The following APOL4 variants were observed in gnomAD, a reference collection of about 807,000 sequenced individuals.
The protein encoded by APOL4 is apolipoprotein L4, also known as apolipoprotein L, 4.
Under a neutral mutation model 12.1 loss-of-function variants are expected in APOL4, and 14 were observed. That is an observed-to-expected ratio of 1.16 (90% CI 0.76 to 1.81). APOL4 has a LOEUF of 1.81. Ranked by LOEUF, APOL4 falls within the 40% of genes most tolerant of loss-of-function variation. The pLI is 0.00. For missense variants in APOL4, 432 were observed against 423.1 expected, an observed-to-expected ratio of 1.02 and a Z score of -0.18; for synonymous variants, 171 against 160.6, an observed-to-expected ratio of 1.06 and a Z score of -0.49.
At chr22:36,203,877 C>G (rs998899462), upstream of APOL4, among the ~76,000 whole-genome samples, 1 of 152,218 alleles carries the variant, frequency 6.6e-6, no homozygotes, top group Non-Finnish European at 1.5e-5. Flanking sequence ...TAATCAGGAG[C>G]ATTTCATCTT....
rs185794495 is a variant in APOL4, at chr22:36,191,578, C to A, written c.544G>T (p.Ala182Ser). Residue 182 changes from alanine to serine, a missense_variant, in exon 4 of 4, where the codon GCT (alanine) becomes TCT (serine). Ala to Ser is a moderately conservative substitution (Grantham distance 99). Transcript: ENST00000683024. ...TCCACGATGCTGGAGGCGATCCCAG[C>A]CGTGGCAGATGCTATTCCCAGCCCT... Reference protein sequence around the residue: ...GVGLGIASATAGIASSIVENT... With the variant: ...GVGLGIASATSGIASSIVENT... 476 of 1,613,656 alleles carry A rather than the reference C, an allele frequency of 2.9e-4. 2 individuals carry two copies. The African/African-American group carries it at 5.8e-3, about 20-fold the overall frequency.
At position 36,189,590 on chromosome 22, in the gene APOL4, G is replaced by C. The variant is rs9607318; in HGVS notation, c.*1485C>G. On this transcript the variant is annotated 3_prime_UTR_variant, in exon 4 of 4. Coordinates refer to ENST00000683024, the MANE Select transcript of APOL4 (RefSeq NM_001386885.1). ...CGGGGGGCGGGTCTTTAGTGGAGCC[G>C]CTGTTTCTTCTCCTGTATCCAACAG... 1.3e-5 allele frequency: 2 copies of C among 152,100 alleles called. No homozygotes were observed. Among genetic ancestry groups the C allele is most frequent in the African/African-American group, 4.8e-5 (2 of 41,332 alleles). 9.4% of individuals were successfully genotyped at this position (152,100 alleles called of 1,614,324 possible).
chr22:36,194,322 G>A (rs1202100384), intron 3 of APOL4, among the ~76,000 whole-genome samples: 1 of 152,100 alleles, frequency 6.6e-6, no homozygotes, highest in Non-Finnish European at 1.5e-5. Context: ...TCAAATCAGG[G>A]AGGGAAGAAA....
chr22:36,197,616 T>C, intron 2 of APOL4: 1 of 1,529,592 alleles, frequency 6.5e-7, no homozygotes, highest in Non-Finnish European at 8.8e-7. Flanking sequence ...GAATCTGAAC[T>C]GGGGTCATAT....
chr22:36,199,604 T>C (rs2014510329), intron 1 of APOL4: 1 of 1,554,000 alleles, frequency 6.4e-7, no homozygotes, highest in South Asian at 1.2e-5. Context: ...AAAAGTCCGC[T>C]TGTCCTGTTG....
At position 36,191,662 on chromosome 22, in the gene APOL4, C is replaced by T; in HGVS notation, c.460G>A (p.Gly154Ser). The T allele has an allele frequency of 6.2e-7, 1 of 1,614,020 alleles. No individual in the cohort carries two copies. Among genetic ancestry groups the T allele is most frequent in the Non-Finnish European group, 8.5e-7 (1 of 1,179,892 alleles). ...GCTGTAAATGGTGCCAACATAACGC[C>T]AATGACAGACAGGATGCCAGTGGAG... Reference protein sequence around the residue: ...SGSTGILSVIGVMLAPFTAGL... With the variant: ...SGSTGILSVISVMLAPFTAGL... The change falls in exon 4 of 4, where the codon GGC (glycine) becomes AGC (serine). Residue 154 changes from glycine (G) to serine (S), a missense_variant. Physicochemically the swap from Gly to Ser is moderately conservative, Grantham distance 56 (BLOSUM62 0). Transcript: ENST00000683024.
intron 2 of APOL4, among the ~76,000 whole-genome samples, chr22:36,198,983 G>A (rs7290695): frequency 0.091 from 13,801 of 152,212 alleles, 668 homozygotes; most frequent in African/African-American, 0.11. Context: ...CCACCCCTCC[G>A]CTACTCCTGG....
At chr22:36,192,820 G>C (rs1235916978) in intron 3 of APOL4, among the ~76,000 whole-genome samples, 1 of 152,180 alleles carries the variant, frequency 6.6e-6, no homozygotes, top group East Asian at 1.9e-4. Context: ...GGACTAAAGG[G>C]GTTAGACCTT....
intron 1 of APOL4, among the ~76,000 whole-genome samples, chr22:36,200,043 A>C (rs954115413): frequency 1.3e-5 from 2 of 151,190 alleles, no homozygotes; most frequent in African/African-American, 4.9e-5. Context: ...TCCTGACCTC[A>C]TGATCAGCCC....
At chr22:36,197,973 C>A (rs980381733) in intron 2 of APOL4, 2 of 1,312,160 alleles carry the variant, frequency 1.5e-6, no homozygotes, top group Non-Finnish European at 2.0e-6. Context: ...ATGCTTGCAA[C>A]AAAACTGCGT....
At chr22:36,202,088 GCTC>G, upstream of APOL4, 1 of 1,612,716 alleles carries the variant, frequency 6.2e-7, no homozygotes, top group Non-Finnish European at 8.5e-7. Flanking sequence ...GAGACAGTGT[GCTC>G]CTCCTGAGAA....
At chr22:36,201,064 T>C (rs1603478616) in intron 1 of APOL4, among the ~76,000 whole-genome samples, 1 of 151,990 alleles carries the variant, frequency 6.6e-6, no homozygotes, top group East Asian at 1.9e-4. Flanking sequence ...GACATAAAAC[T>C]GGTGATAGAA....
At chr22:36,199,525 C>T in intron 1 of APOL4, 149 bp from the exon 2 acceptor site, 2 of 1,599,700 alleles carry the variant, frequency 1.3e-6, no homozygotes, top group Non-Finnish European at 1.7e-6. Flanking sequence ...ATCACCAAGT[C>T]CCCATCATCT....
intron 2 of APOL4, among the ~76,000 whole-genome samples, chr22:36,199,001 T>C (rs1160090289): frequency 6.6e-6 from 1 of 152,116 alleles, no homozygotes; most frequent in East Asian, 1.9e-4. Context: ...TGGCCAACCC[T>C]CAAAAGCCAA....
rs1412937466 is a variant in APOL4 at position 36,189,443 on chromosome 22, C to A, written c.*1632G>T. Reference sequence around the variant, plus strand: ...GTCACACTACAACCACCACCACCATCATCAAGAAGCCACTGGCTGACTCAG... The same window carrying A: ...GTCACACTACAACCACCACCACCATAATCAAGAAGCCACTGGCTGACTCAG... On this transcript the variant is annotated 3_prime_UTR_variant, in exon 4 of 4. Transcript: ENST00000683024. 6.6e-6 allele frequency: 1 copy of A among 152,358 alleles called. No homozygotes were observed. Among genetic ancestry groups the A allele is most frequent in the Non-Finnish European group, 1.5e-5 (1 of 68,152 alleles). 9.4% of individuals were successfully genotyped at this position (152,358 alleles called of 1,614,324 possible). A position where few individuals can be genotyped will look rare whatever the true frequency, so the allele number is the denominator to read the frequency against.
rs1220544245 is a variant in APOL4, at chr22:36,201,755, C to T, written c.-21G>A. On this transcript the variant is annotated 5_prime_UTR_variant, in exon 1 of 4. Coordinates refer to ENST00000683024, the MANE Select transcript of APOL4 (RefSeq NM_001386885.1). ...CCCATCCTCCTTGGTCATTGTTGGCCTGGCTCAGACGCTGATCTGGGGCCT... is the reference window on the plus strand; with the variant it reads ...CCCATCCTCCTTGGTCATTGTTGGCTTGGCTCAGACGCTGATCTGGGGCCT... The T allele has an allele frequency of 1.2e-6, 2 of 1,603,106 alleles. No homozygotes were observed. Among genetic ancestry groups the T allele is most frequent in the African/African-American group, 2.7e-5 (2 of 74,554 alleles).
At chr22:36,201,372 C>G (rs939443093) in intron 1 of APOL4, among the ~76,000 whole-genome samples, 10 of 150,564 alleles carry the variant, frequency 6.6e-5, no homozygotes, top group Admixed American at 2.0e-4. Flanking sequence ...AAAAGCCACT[C>G]GCCTCCCTCT....
At chr22:36,197,460 C>A in intron 2 of APOL4, 2 of 841,038 alleles carry the variant, frequency 2.4e-6, no homozygotes, top group Non-Finnish European at 3.3e-6. Flanking sequence ...GAACCTCCAG[C>A]ACTAAATTTG....
At chr22:36,197,583 C>G in intron 2 of APOL4, 1 of 1,399,570 alleles carries the variant, frequency 7.1e-7, no homozygotes, top group Non-Finnish European at 9.4e-7. Context: ...ACAGCTGTAA[C>G]CCCCCATGAA....
Sources: gnomAD v4.1 joint callset for allele counts (sites outside exome capture counted in the v4.1 genomes callset) on GRCh38, gnomAD v4.1.1 for gene constraint, MANE v1.5 for transcripts, NCBI Gene and HGNC (gene_info 2026-07-23, HGNC 2026-07-21) for gene names.